STOX2: variants seen among roughly 807,000 people sequenced by gnomAD.
STOX2 encodes storkhead box 2.
Under a neutral mutation model 60.9 loss-of-function variants are expected in STOX2, and 28 were observed. The observed-to-expected ratio is 0.46, with a 90% confidence interval of 0.34 to 0.63. STOX2 has a LOEUF of 0.63. Among genes scored for constraint, STOX2 ranks in the 30% least tolerant of loss-of-function variants. The probability of loss-of-function intolerance (pLI) is 0.01; values close to 1 mark genes in which losing one functional copy is unlikely to be tolerated. For missense variants in STOX2, 1,024 were observed against 1,187.7 expected, an observed-to-expected ratio of 0.86 and a Z score of 2.03; for synonymous variants, 472 against 463.9, an observed-to-expected ratio of 1.02 and a Z score of -0.22.
chr4:184,004,325 C>G (rs534829164), intron 2 of STOX2, among the ~76,000 whole-genome samples: 1 of 152,128 alleles, frequency 6.6e-6, no homozygotes. Flanking sequence ...CTGGGTCAGG[C>G]GCAGTGGCTC....
At chr4:183,935,011 A>G (rs1245947495) in intron 1 of STOX2, among the ~76,000 whole-genome samples, 4 of 152,256 alleles carry the variant, frequency 2.6e-5, no homozygotes, top group African/African-American at 7.2e-5. Flanking sequence ...GAATCAACTC[A>G]GTGCAATATT....
intron 1 of STOX2, among the ~76,000 whole-genome samples, chr4:183,802,765 G>C (rs1738796288): frequency 6.6e-6 from 1 of 152,210 alleles, no homozygotes; most frequent in East Asian, 1.9e-4. Context: ...GGGACTACAG[G>C]CGCCTGCCAA....
At chr4:183,868,733 A>G (rs1740627486) in intron 1 of STOX2, among the ~76,000 whole-genome samples, 1 of 152,214 alleles carries the variant, frequency 6.6e-6, no homozygotes, top group Non-Finnish European at 1.5e-5. Flanking sequence ...GACTTCATGG[A>G]ATGCAGCAAG....
chr4:184,017,027 G>A, intron 3 of STOX2, 62 bp from the exon 4 acceptor site: 2 of 1,383,042 alleles, frequency 1.4e-6, no homozygotes. Context: ...CTTCCTCTGG[G>A]GCTCAATTTA....
At chr4:184,008,269 A>G (rs1350347510) in intron 2 of STOX2, among the ~76,000 whole-genome samples, 1 of 152,254 alleles carries the variant, frequency 6.6e-6, no homozygotes, top group Non-Finnish European at 1.5e-5. Context: ...AAACTCTCTT[A>G]AGAATTTATG....
At chr4:183,898,133 T>C (rs1741377938) in intron 1 of STOX2, among the ~76,000 whole-genome samples, 1 of 152,222 alleles carries the variant, frequency 6.6e-6, no homozygotes, top group East Asian at 1.9e-4. Context: ...TTCTGTATCT[T>C]TGGCAGGTGA....
chr4:183,972,869 C>T (rs985800062), intron 1 of STOX2, among the ~76,000 whole-genome samples: 4 of 152,196 alleles, frequency 2.6e-5, no homozygotes, highest in Non-Finnish European at 4.4e-5. Context: ...TTATTCTAAT[C>T]ATGGCCCCAG....
chr4:183,890,944 CA>C (rs1211424772), intron 1 of STOX2, among the ~76,000 whole-genome samples: 1 of 151,858 alleles, frequency 6.6e-6, no homozygotes, highest in Non-Finnish European at 1.5e-5. Context: ...CCCATCTCTA[CA>C]AAAAAATTTT....
intron 1 of STOX2, among the ~76,000 whole-genome samples, chr4:183,839,875 C>T (rs577863269): frequency 2.6e-5 from 4 of 152,250 alleles, no homozygotes; most frequent in South Asian, 2.1e-4. Context: ...GATAAACTTT[C>T]GGATTTACAA....
intron 1 of STOX2, chr4:183,960,261 A>C (rs918358644): frequency 2.0e-5 from 3 of 152,198 alleles, no homozygotes; most frequent in African/African-American, 7.2e-5. Context: ...CCTAGAGTGA[A>C]TGCTCAGCTT....
intron 1 of STOX2, among the ~76,000 whole-genome samples, chr4:183,830,704 G>A (rs1314166393): frequency 6.6e-6 from 1 of 152,118 alleles, no homozygotes; most frequent in Non-Finnish European, 1.5e-5. Context: ...TTTCATCATA[G>A]GCCAATGGCT....
At chr4:183,975,856 A>G (rs1252805326) in intron 1 of STOX2, among the ~76,000 whole-genome samples, 1 of 152,210 alleles carries the variant, frequency 6.6e-6, no homozygotes, top group Non-Finnish European at 1.5e-5. Flanking sequence ...AAACCAGACA[A>G]AGTTAGTACA....
chr4:183,834,612 A>G (rs1322372107), intron 1 of STOX2, among the ~76,000 whole-genome samples: 1 of 152,158 alleles, frequency 6.6e-6, no homozygotes, highest in Admixed American at 6.5e-5. Flanking sequence ...TATATTCCCC[A>G]GTTGTCGCTC....
chr4:183,807,947 G>A (rs1738944600), intron 1 of STOX2, among the ~76,000 whole-genome samples: 1 of 152,224 alleles, frequency 6.6e-6, no homozygotes, highest in South Asian at 2.1e-4. Flanking sequence ...ACAGGCCTGC[G>A]GGGCGGGCTG....
intron 1 of STOX2, among the ~76,000 whole-genome samples, chr4:183,968,067 A>C (rs1167811638): frequency 2.0e-5 from 3 of 152,162 alleles, no homozygotes; most frequent in African/African-American, 4.8e-5. Context: ...CAAACTCTGA[A>C]CATCACAAAG....
intron 1 of STOX2, among the ~76,000 whole-genome samples, chr4:183,915,368 T>A (rs967446896): frequency 4.6e-5 from 7 of 152,160 alleles, no homozygotes; most frequent in African/African-American, 1.7e-4. Flanking sequence ...AATTGTCTCG[T>A]TATTAGAGAA....
At chr4:183,867,732 A>G (rs1740603203) in intron 1 of STOX2, among the ~76,000 whole-genome samples, 1 of 152,182 alleles carries the variant, frequency 6.6e-6, no homozygotes, top group Non-Finnish European at 1.5e-5. Flanking sequence ...TTAGTCTATT[A>G]GTATTAATCG....
intron 1 of STOX2, among the ~76,000 whole-genome samples, chr4:183,826,962 C>T (rs912791770): frequency 2.0e-5 from 3 of 152,076 alleles, no homozygotes; most frequent in Non-Finnish European, 4.4e-5. Flanking sequence ...TTATGATATG[C>T]CAGGCATTAC....
chr4:183,977,337 T>C (rs1190308906), intron 1 of STOX2, among the ~76,000 whole-genome samples: 1 of 152,136 alleles, frequency 6.6e-6, no homozygotes, highest in Non-Finnish European at 1.5e-5. Flanking sequence ...GGATTAGAAG[T>C]GTGTAAGGCA....
Sources: allele counts gnomAD v4.1 joint callset (sites outside exome capture counted in the v4.1 genomes callset), GRCh38; gene constraint gnomAD v4.1.1; transcripts MANE v1.5; gene names NCBI Gene and HGNC (gene_info 2026-07-23, HGNC 2026-07-21).